Variants in CAPZB observed in about 807,000 individuals in gnomAD.
CAPZB encodes F-actin-capping protein subunit beta.
CAPZB carries 2 observed loss-of-function variants against 38.1 expected under a neutral mutation model. The ratio of observed to expected loss-of-function variants is 0.05; its 90% CI spans 0.02 to 0.17. The LOEUF (loss-of-function observed/expected upper bound fraction) is 0.17. Among genes scored for constraint, CAPZB ranks in the 10% least tolerant of loss-of-function variants. CAPZB has a pLI of 1.00. For synonymous variants in CAPZB, 107 were observed against 127.4 expected (o/e 0.84, Z 1.08); for missense variants, 161 against 334.2 (o/e 0.48, Z 4.04).
At chr1:19,377,968 G>A (rs553141492) in intron 4 of CAPZB, among the ~76,000 whole-genome samples, 1 of 152,214 alleles carries the variant, frequency 6.6e-6, no homozygotes, top group Non-Finnish European at 1.5e-5. Flanking sequence ...ATCTTGGCCT[G>A]AGAGCAGCTG....
chr1:19,433,627 G>GA (rs2094449200), intron 1 of CAPZB, among the ~76,000 whole-genome samples: 1 of 152,164 alleles, frequency 6.6e-6, no homozygotes, highest in Admixed American at 6.5e-5. Flanking sequence ...AAAGGATCTG[G>GA]AAAAAACGAA....
intron 6 of CAPZB, among the ~76,000 whole-genome samples, chr1:19,355,816 C>A (rs2094017863): frequency 6.6e-6 from 1 of 152,230 alleles, no homozygotes; most frequent in African/African-American, 2.4e-5. Flanking sequence ...TGGCACTGCA[C>A]TGGCACAGGT....
chr1:19,368,493 T>TG (rs1157455273), intron 4 of CAPZB, among the ~76,000 whole-genome samples: 5 of 93,524 alleles, frequency 5.3e-5, no homozygotes, highest in African/African-American at 2.6e-4. Flanking sequence ...TTTTTTTTCT[T>TG]GGAAAAAAAA....
At position 19,373,954 on chromosome 1, in the gene CAPZB, C is replaced by T. The variant is rs139835472; in HGVS notation, c.329+4586G>A. Among the ~76,000 whole-genome samples, 205 of 152,288 alleles carry T rather than the reference C, an allele frequency of 1.3e-3. 1 individual carries two copies. The highest frequency in any genetic ancestry group is 4.8e-3 in the African/African-American group (199 of 41,562). On this transcript the variant is annotated intron_variant, in intron 4 of 8. Coordinates refer to ENST00000264202, the MANE Select transcript of CAPZB (RefSeq NM_004930.5). ...AAGCAATCCTCCTGCCTCAGCCTCC[C>T]AAAGCACCACTAATCTTTTCAAGCA...
intron 1 of CAPZB, chr1:19,484,824 T>C (rs904198253): frequency 7.8e-6 from 3 of 384,430 alleles, no homozygotes; most frequent in Non-Finnish European, 1.1e-5. Context: ...ACGGGGGCCA[T>C]GGGCGGAGAA....
At chr1:19,468,022 G>T (rs1039102626) in intron 1 of CAPZB, among the ~76,000 whole-genome samples, 15 of 152,142 alleles carry the variant, frequency 9.9e-5, no homozygotes, top group African/African-American at 3.4e-4. Context: ...AGGATCCCTT[G>T]AGCTCAGGAG....
Position 19,357,176 on chromosome 1 carries a change from T to C in CAPZB, c.471+246A>G, listed in dbSNP as rs1416398872. Among the ~76,000 whole-genome samples, 1 of 152,174 alleles carries C rather than the reference T, an allele frequency of 6.6e-6. No homozygotes were observed. The highest frequency in any genetic ancestry group is 1.5e-5 in the Non-Finnish European group (1 of 68,022). On this transcript the variant is annotated intron_variant, in intron 5 of 8. Coordinates refer to ENST00000264202, the MANE Select transcript of CAPZB (RefSeq NM_004930.5). This position sits in a 1 kb window ranked among gnomAD's most constrained non-coding sequence, Gnocchi z 4.3. ...CACCGTACCTGGCCTCACAATATTG[T>C]CTTTCTTAAAAAATCTCAACTGGTT...
chr1:19,412,766 G>A (rs1029327837), intron 2 of CAPZB, among the ~76,000 whole-genome samples: 3 of 152,166 alleles, frequency 2.0e-5, no homozygotes, highest in Non-Finnish European at 4.4e-5. Context: ...TTAAAAGGTG[G>A]CGAGCAATGG....
chr1:19,440,275 C>T (rs1287827312), intron 1 of CAPZB, among the ~76,000 whole-genome samples: 1 of 152,084 alleles, frequency 6.6e-6, no homozygotes, highest in East Asian at 1.9e-4. Flanking sequence ...TGGGCTCAAG[C>T]GATCCACCTG....
chr1:19,427,769 T>A (rs1008625839), intron 1 of CAPZB, among the ~76,000 whole-genome samples: 5 of 152,146 alleles, frequency 3.3e-5, no homozygotes, highest in Admixed American at 2.6e-4. Flanking sequence ...CATGGGAAAA[T>A]CCAATACCCT....
chr1:19,483,196 T>C (rs1007390234), intron 1 of CAPZB, among the ~76,000 whole-genome samples: 5 of 148,964 alleles, frequency 3.4e-5, no homozygotes, highest in African/African-American at 1.2e-4. Flanking sequence ...TAAAATACAA[T>C]ACATGGGCAA....
intron 2 of CAPZB, among the ~76,000 whole-genome samples, chr1:19,402,163 A>T (rs530680377): frequency 2.6e-4 from 40 of 152,350 alleles, no homozygotes; most frequent in African/African-American, 9.6e-4. Context: ...GGTTCCCTCA[A>T]GAGCAGCAGC....
At chr1:19,390,368 C>A (rs948120757) in intron 2 of CAPZB, among the ~76,000 whole-genome samples, 1 of 152,258 alleles carries the variant, frequency 6.6e-6, no homozygotes, top group Non-Finnish European at 1.5e-5. Context: ...GGTGCTGACA[C>A]GCGGCAGCCG....
intron 2 of CAPZB, among the ~76,000 whole-genome samples, chr1:19,396,383 C>T (rs778935173): frequency 6.6e-6 from 1 of 152,190 alleles, no homozygotes; most frequent in African/African-American, 2.4e-5. Context: ...GACTATTCTT[C>T]GGTGAGTGGG....
intron 4 of CAPZB, among the ~76,000 whole-genome samples, chr1:19,375,687 C>A (rs1233254066): frequency 6.6e-6 from 1 of 152,198 alleles, no homozygotes; most frequent in Non-Finnish European, 1.5e-5. Flanking sequence ...TCAAAAGCCA[C>A]CTTACAAATA....
At chr1:19,420,081 G>T (rs757023842) in intron 1 of CAPZB, 2 of 272,498 alleles carry the variant, frequency 7.3e-6, no homozygotes, top group Non-Finnish European at 1.4e-5. Context: ...GTGCCCCCCA[G>T]TTGGTTCCAT....
At chr1:19,470,564 CA>C (rs1359368803) in intron 1 of CAPZB, among the ~76,000 whole-genome samples, 1 of 152,206 alleles carries the variant, frequency 6.6e-6, no homozygotes, top group African/African-American at 2.4e-5. Context: ...AAGACTCACA[CA>C]AGAGTGTAGA....
At chr1:19,352,085 C>T (rs573013395) in intron 6 of CAPZB, among the ~76,000 whole-genome samples, 63 of 152,364 alleles carry the variant, frequency 4.1e-4, no homozygotes, top group African/African-American at 1.4e-3. Flanking sequence ...CCCCAGCGAG[C>T]GTGCACTCCT....
chr1:19,463,808 C>T (rs1028336101), intron 1 of CAPZB, among the ~76,000 whole-genome samples: 25 of 152,124 alleles, frequency 1.6e-4, no homozygotes, highest in African/African-American at 5.6e-4. Context: ...GGTGGAGAAA[C>T]GTGGATAATA....
Sources: gnomAD v4.1 joint callset for allele counts (sites outside exome capture counted in the v4.1 genomes callset) on GRCh38, gnomAD v4.1.1 for gene constraint, Gnocchi (gnomAD v3.1) non-coding constraint, MANE v1.5 for transcripts, NCBI Gene and HGNC (gene_info 2026-07-23, HGNC 2026-07-21) for gene names.